Variants in LIMS1 observed in about 807,000 individuals in gnomAD.
The protein encoded by LIMS1 is LIM zinc finger domain containing 1.
LIMS1 carries 18 observed loss-of-function variants against 44.1 expected under a neutral mutation model. That is an observed-to-expected ratio of 0.41 (90% CI 0.28 to 0.61). The LOEUF is 0.61. Ranked by LOEUF, LIMS1 falls within the 20% of genes least tolerant of loss-of-function variation. The probability of loss-of-function intolerance (pLI) is 0.32; values close to 1 mark genes in which losing one functional copy is unlikely to be tolerated. For synonymous variants in LIMS1, 93 were observed against 149.1 expected (o/e 0.62, Z 2.74); for missense variants, 201 against 422.0 (o/e 0.48, Z 4.59).
intron 2 of LIMS1, among the ~76,000 whole-genome samples, chr2:108,668,803 T>C (rs1474629915): frequency 2.0e-5 from 3 of 152,252 alleles, no homozygotes; most frequent in Admixed American, 1.3e-4. Context: ...TTTATACATA[T>C]AGATGGCATA....
chr2:108,657,481 G>T (rs1690962921), intron 1 of LIMS1, among the ~76,000 whole-genome samples: 2 of 152,304 alleles, frequency 1.3e-5, no homozygotes, highest in African/African-American at 4.8e-5. Flanking sequence ...GGCAGATGTG[G>T]AGCTTACCGT....
chr2:108,588,968 A>G (rs1288161133), intron 1 of LIMS1, among the ~76,000 whole-genome samples: 2 of 152,236 alleles, frequency 1.3e-5, no homozygotes, highest in East Asian at 1.9e-4. Flanking sequence ...TATGGTTTAT[A>G]TCCTGCAGAG....
At chr2:108,603,489 C>G (rs886600799) in intron 1 of LIMS1, among the ~76,000 whole-genome samples, 20 of 139,140 alleles carry the variant, frequency 1.4e-4, no homozygotes, top group African/African-American at 4.9e-4. Flanking sequence ...GTCTCCTTTT[C>G]ATCGCCTTTT....
chr2:108,548,444 G>A (rs1412392082), intron 1 of LIMS1, among the ~76,000 whole-genome samples: 2 of 152,196 alleles, frequency 1.3e-5, no homozygotes, highest in Non-Finnish European at 2.9e-5. Context: ...TTAACCCTGA[G>A]CATGTGGTAT....
intron 1 of LIMS1, among the ~76,000 whole-genome samples, chr2:108,643,689 A>G (rs200929499): frequency 7.8e-5 from 4 of 51,124 alleles, no homozygotes. Context: ...CCTGGAAAGG[A>G]GGGCTGAAGC....
chr2:108,621,495 G>A, intron 1 of LIMS1: 1 of 1,464,554 alleles, frequency 6.8e-7, no homozygotes, highest in Non-Finnish European at 9.4e-7. Context: ...TAAAGGTCAA[G>A]ACATCTAATC....
At chr2:108,607,401 A>AT in intron 1 of LIMS1, 1 of 766,804 alleles carries the variant, frequency 1.3e-6, no homozygotes, top group Non-Finnish European at 2.2e-6. Context: ...ACAAGGGTGT[A>AT]TTTTTGTGCA....
intron 1 of LIMS1, among the ~76,000 whole-genome samples, chr2:108,590,620 G>A (rs1401988780): frequency 1.3e-5 from 2 of 152,364 alleles, no homozygotes; most frequent in South Asian, 4.1e-4. Context: ...CATGGAGGTA[G>A]TGACTTTTGA....
intron 1 of LIMS1, among the ~76,000 whole-genome samples, chr2:108,632,501 G>A (rs1688990592): frequency 1.3e-5 from 2 of 152,170 alleles, no homozygotes; most frequent in African/African-American, 4.8e-5. Context: ...GATGAACAGT[G>A]AAGGAAAACT....
chr2:108,601,583 C>T (rs527708833), intron 1 of LIMS1, among the ~76,000 whole-genome samples: 17 of 152,344 alleles, frequency 1.1e-4, no homozygotes, highest in Non-Finnish European at 2.2e-4. Flanking sequence ...TCAAGGGGCT[C>T]ACTCAACCTG....
intron 1 of LIMS1, among the ~76,000 whole-genome samples, chr2:108,656,847 G>T (rs1690895966): frequency 1.1e-5 from 1 of 93,732 alleles, no homozygotes; most frequent in Non-Finnish European, 2.2e-5. Flanking sequence ...TAATCTAAGG[G>T]CCTCTTAACA....
chr2:108,602,880 C>T (rs1687084362), intron 1 of LIMS1, among the ~76,000 whole-genome samples: 1 of 152,220 alleles, frequency 6.6e-6, no homozygotes, highest in African/African-American at 2.4e-5. Context: ...ATCCTCCCAT[C>T]TCATCCTCCT....
intron 1 of LIMS1, among the ~76,000 whole-genome samples, chr2:108,545,281 A>T (rs1684446947): frequency 6.6e-6 from 1 of 152,172 alleles, no homozygotes; most frequent in African/African-American, 2.4e-5. Context: ...TTGCCCAGGC[A>T]GGAGTGCAGT....
At chr2:108,617,524 A>G (rs983694022) in intron 1 of LIMS1, among the ~76,000 whole-genome samples, 3 of 152,178 alleles carry the variant, frequency 2.0e-5, no homozygotes, top group Non-Finnish European at 4.4e-5. Flanking sequence ...AACTCTGGAG[A>G]TTTCTTCTCA....
chr2:108,630,207 AAAAAAAAAG>A (rs569867341), intron 1 of LIMS1, among the ~76,000 whole-genome samples: 3,441 of 148,558 alleles, frequency 0.023, 95 homozygotes, highest in South Asian at 0.13. Flanking sequence ...AAAAAAAAAA[AAAAAAAAAG>A]AAAGAAAAGA....
At position 108,609,023 on chromosome 2, in the gene LIMS1, T is replaced by C. The variant is rs200047138; in HGVS notation, c.33-50582T>C. 5.3e-5 allele frequency among the ~76,000 whole-genome samples: 8 copies of C among 152,282 alleles called. No homozygotes were observed. In the East Asian group the frequency reaches 9.6e-4, roughly 18 times the overall value. ...GGCACTCTGAAAGAAGTAGGGACAA[T>C]AGCTTGGAGACAGCTGAGGTGGCGT... On this transcript the variant is annotated intron_variant, in intron 1 of 9. Transcript: ENST00000544547.
At chr2:108,593,188 G>A (rs1343551806) in intron 1 of LIMS1, among the ~76,000 whole-genome samples, 1 of 152,120 alleles carries the variant, frequency 6.6e-6, no homozygotes, top group African/African-American at 2.4e-5. Context: ...AGAGTTCAGG[G>A]TTTGAAAGCA....
At chr2:108,649,741 A>G (rs189730404) in intron 1 of LIMS1, among the ~76,000 whole-genome samples, 1 of 152,186 alleles carries the variant, frequency 6.6e-6, no homozygotes, top group East Asian at 1.9e-4. Context: ...CAAACACTGC[A>G]TGTTCTCATA....
At chr2:108,578,141 C>G (rs577431912) in intron 1 of LIMS1, among the ~76,000 whole-genome samples, 1 of 152,298 alleles carries the variant, frequency 6.6e-6, no homozygotes, top group African/African-American at 2.4e-5. Flanking sequence ...GAACTCCTGA[C>G]CTCGTGATCC....
Sources: gnomAD v4.1 joint callset for allele counts (sites outside exome capture counted in the v4.1 genomes callset) on GRCh38, gnomAD v4.1.1 for gene constraint, MANE v1.5 for transcripts, NCBI Gene and HGNC (gene_info 2026-07-23, HGNC 2026-07-21) for gene names.